Variants in ILRUN observed in about 807,000 individuals in gnomAD.
ILRUN encodes the protein inflammation and lipid regulator with UBA-like and NBR1-like domains.
ILRUN carries 3 observed loss-of-function variants against 33.8 expected under a neutral mutation model. The ratio of observed to expected loss-of-function variants is 0.09; its 90% CI spans 0.04 to 0.23. The LOEUF (loss-of-function observed/expected upper bound fraction) is 0.23, where lower values mean the gene tolerates loss of function less well. ILRUN is among the 10% of genes least tolerant of loss of function. The pLI is 1.00. For synonymous variants in ILRUN, 124 were observed against 138.9 expected (o/e 0.89, Z 0.75); for missense variants, 210 against 375.1 (o/e 0.56, Z 3.64).
chr6:34,693,653 A>G (rs894717303), intron 1 of ILRUN, among the ~76,000 whole-genome samples: 1 of 149,192 alleles, frequency 6.7e-6, no homozygotes, highest in African/African-American at 2.5e-5. Flanking sequence ...AAACTCAAAT[A>G]GAAGTTTTAT....
intron 1 of ILRUN, among the ~76,000 whole-genome samples, chr6:34,680,608 G>A (rs1408840514): frequency 1.3e-5 from 2 of 151,990 alleles, no homozygotes; most frequent in African/African-American, 2.4e-5. Context: ...GGGATTACAG[G>A]CACCTGGCTA....
At chr6:34,596,936 T>G (rs1010109711) in intron 4 of ILRUN, among the ~76,000 whole-genome samples, 1 of 152,106 alleles carries the variant, frequency 6.6e-6, no homozygotes, top group Non-Finnish European at 1.5e-5. Context: ...TTATCCTCCC[T>G]TCACCCATTC....
chr6:34,696,406 C>T, intron 1 of ILRUN, 40 bp downstream of exon 1: 1 of 1,535,574 alleles, frequency 6.5e-7, no homozygotes, highest in Non-Finnish European at 8.8e-7. Flanking sequence ...TCGGGGCCCC[C>T]GAGGCCGCTG....
rs1289507613 is a variant in ILRUN at position 34,614,435 on chromosome 6, A to ATATATATATATATAT, written c.512-7532_512-7531insATATATATATATATA. Among the ~76,000 whole-genome samples the ATATATATATATATAT allele has an allele frequency of 9.7e-4, 120 of 123,366 alleles. 1 individual carries two copies. Among genetic ancestry groups the ATATATATATATATAT allele is most frequent in the African/African-American group, 2.8e-3 (72 of 26,096 alleles). 80.9% of individuals were successfully genotyped at this position (123,366 alleles called of 152,430 possible). On this transcript the variant is annotated intron_variant, in intron 3 of 4. Coordinates refer to ENST00000374023, the MANE Select transcript of ILRUN (RefSeq NM_024294.4). ...AGACTCCATCTCAAAAAATAATAAA[A>ATATATATATATATAT]AAAAAAAAATATATATATATAAAAT...
chr6:34,601,775 CATAG>C (rs1761514539), intron 4 of ILRUN, among the ~76,000 whole-genome samples: 1 of 151,640 alleles, frequency 6.6e-6, no homozygotes, highest in Non-Finnish European at 1.5e-5. Context: ...CCTTAGTCAA[CATAG>C]ATAGCAGCAG....
chr6:34,688,353 T>C (rs1486567168), intron 1 of ILRUN, among the ~76,000 whole-genome samples: 1 of 144,004 alleles, frequency 6.9e-6, no homozygotes, highest in East Asian at 2.1e-4. Context: ...AGGTTAGCCA[T>C]GATAGCGCCA....
At chr6:34,655,240 G>A (rs953785338) in intron 1 of ILRUN, among the ~76,000 whole-genome samples, 20 of 152,074 alleles carry the variant, frequency 1.3e-4, no homozygotes, top group Admixed American at 6.6e-5. Flanking sequence ...GCCTCCCAAA[G>A]TGCTAGGATT....
intron 2 of ILRUN, among the ~76,000 whole-genome samples, chr6:34,648,487 T>C (rs1762601006): frequency 6.6e-6 from 1 of 152,196 alleles, no homozygotes; most frequent in Non-Finnish European, 1.5e-5. Flanking sequence ...CACTATGTTT[T>C]AGCATACCTT....
intron 4 of ILRUN, among the ~76,000 whole-genome samples, chr6:34,594,366 T>C (rs1287648894): frequency 2.0e-5 from 3 of 152,214 alleles, no homozygotes; most frequent in Admixed American, 6.5e-5. Context: ...AATCATGTCC[T>C]ATCACATAGG....
chr6:34,682,753 C>T (rs1733825909), intron 1 of ILRUN, among the ~76,000 whole-genome samples: 1 of 152,136 alleles, frequency 6.6e-6, no homozygotes, highest in Admixed American at 6.6e-5. Flanking sequence ...GGATTACAGA[C>T]ATGAGCCACC....
intron 3 of ILRUN, among the ~76,000 whole-genome samples, chr6:34,612,771 A>G (rs763700299): frequency 5.1e-4 from 77 of 152,220 alleles, no homozygotes; most frequent in Admixed American, 1.2e-3. Flanking sequence ...GGCTGGGTGC[A>G]GTGGCTCACG....
intron 2 of ILRUN, among the ~76,000 whole-genome samples, chr6:34,650,475 G>A (rs767407294): frequency 1.6e-4 from 24 of 151,230 alleles, no homozygotes; most frequent in Non-Finnish European, 2.9e-4. Context: ...CTGCCGCCCA[G>A]GCTGGAGTGC....
chr6:34,678,225 G>C (rs962191140), intron 1 of ILRUN, among the ~76,000 whole-genome samples: 1 of 152,092 alleles, frequency 6.6e-6, no homozygotes, highest in African/African-American at 2.4e-5. Context: ...TTTTTTAGTA[G>C]AGACGGGGTT....
At chr6:34,595,572 G>A (rs927966252) in intron 4 of ILRUN, 1 of 176,410 alleles carries the variant, frequency 5.7e-6, no homozygotes, top group East Asian at 1.9e-4. Flanking sequence ...TGAGTCAGAC[G>A]TTTTTTAACA....
In ILRUN at chr6:34,606,621, T is replaced by C; in HGVS notation, c.795A>G (p.Ser265=). 1 of 1,614,192 alleles carries C rather than the reference T, an allele frequency of 6.2e-7. No individual in the cohort carries two copies. The highest frequency in any genetic ancestry group is 1.1e-5 in the South Asian group (1 of 91,086). Residue 265 remains serine (S), a synonymous_variant, in exon 4 of 5, where the codon TCA becomes TCG. Coordinates refer to ENST00000374023, the MANE Select transcript of ILRUN (RefSeq NM_024294.4). ...DQTEQDQNRL[S]QNSVNLSPSS... The stretch of plus-strand genomic sequence containing the variant: ...TGGGAGACAGATTTACAGAGTTCTG[T>C]GACAGTCTATTCTGGTCTTGCTCAG...
At chr6:34,676,991 T>A in intron 1 of ILRUN, among the ~76,000 whole-genome samples, 1 of 126,792 alleles carries the variant, frequency 7.9e-6, no homozygotes. Context: ...GGGTTTTATG[T>A]CACAATTAAA....
chr6:34,605,329 A>C (rs867822462), intron 4 of ILRUN, among the ~76,000 whole-genome samples: 183 of 147,618 alleles, frequency 1.2e-3, no homozygotes, highest in South Asian at 8.7e-3. Context: ...AAAAAAAAAA[A>C]AAAAAAAAAA....
At chr6:34,590,656 C>A in intron 4 of ILRUN, 56 bp from the exon 5 acceptor site, 2 of 1,265,486 alleles carry the variant, frequency 1.6e-6, no homozygotes, top group Non-Finnish European at 2.3e-6. Context: ...AACTTGACAA[C>A]CAAACCAAGT....
intron 2 of ILRUN, among the ~76,000 whole-genome samples, chr6:34,653,312 C>T (rs1762707787): frequency 6.6e-6 from 1 of 151,928 alleles, no homozygotes; most frequent in African/African-American, 2.4e-5. Flanking sequence ...CTCACTGCAA[C>T]CTCCACCTCC....
Sources: gnomAD v4.1 joint callset for allele counts (sites outside exome capture counted in the v4.1 genomes callset) on GRCh38, gnomAD v4.1.1 for gene constraint, MANE v1.5 for transcripts, NCBI Gene and HGNC (gene_info 2026-07-23, HGNC 2026-07-21) for gene names.